The following PDE1C variants were observed in gnomAD, a reference collection of about 807,000 sequenced individuals.
PDE1C encodes phosphodiesterase 1C.
PDE1C carries 62 observed loss-of-function variants against 93.1 expected under a neutral mutation model. The ratio of observed to expected loss-of-function variants is 0.67; its 90% CI spans 0.54 to 0.82. PDE1C has a LOEUF of 0.82. PDE1C is among the 40% of genes least tolerant of loss of function. The pLI is 0.00. For synonymous variants in PDE1C, 325 were observed against 310.1 expected (o/e 1.05, Z -0.50); for missense variants, 742 against 884.6 (o/e 0.84, Z 2.04).
At chr7:32,365,328 C>T (rs934409216) in intron 1 of PDE1C, among the ~76,000 whole-genome samples, 8 of 152,184 alleles carry the variant, frequency 5.3e-5, no homozygotes, top group African/African-American at 1.9e-4. Context: ...AGGCCACCTC[C>T]AGCAGACATG....
At chr7:31,673,038 T>A in the PDE1C span, among the ~76,000 whole-genome samples, 1 of 152,194 alleles carries the variant, frequency 6.6e-6, no homozygotes, top group Non-Finnish European at 1.5e-5. Context: ...GAATGTAAGT[T>A]TCCTGAGGCC....
intron 2 of PDE1C, among the ~76,000 whole-genome samples, chr7:31,972,313 G>A (rs1811072776): frequency 1.3e-5 from 2 of 152,202 alleles, no homozygotes; most frequent in African/African-American, 2.4e-5. Context: ...TCCAAAGGCC[G>A]CACCCCAATT....
intron 3 of PDE1C, among the ~76,000 whole-genome samples, chr7:32,156,720 TCCA>T (rs1801597700): frequency 6.6e-6 from 1 of 152,132 alleles, no homozygotes; most frequent in African/African-American, 2.4e-5. Flanking sequence ...TCAAATATCA[TCCA>T]ATACATAGAA....
rs189508955 is a variant in PDE1C at position 32,210,204 on chromosome 7, C to T, written c.86-665G>A. ...TTTAATGTCCCTTATAACTTATGAA[C>T]CCATTGTATTGGGTAAAAGAGATTG... On this transcript the variant is annotated intron_variant, in intron 1 of 18. Transcript: ENST00000396193. 4.6e-5 allele frequency among the ~76,000 whole-genome samples: 7 copies of T among 152,234 alleles called. No homozygotes were observed. The East Asian group carries it at 1.4e-3, about 29-fold the overall frequency.
chr7:31,887,667 A>G (rs1316463307), intron 2 of PDE1C, among the ~76,000 whole-genome samples: 1 of 152,218 alleles, frequency 6.6e-6, no homozygotes, highest in Non-Finnish European at 1.5e-5. Context: ...TCAAGTGTAC[A>G]TGTAATAGTA....
At chr7:31,881,152 C>G (rs1278413387) in intron 2 of PDE1C, among the ~76,000 whole-genome samples, 1 of 152,104 alleles carries the variant, frequency 6.6e-6, no homozygotes, top group Non-Finnish European at 1.5e-5. Flanking sequence ...CTCAAATTTT[C>G]ATCTTTTTTG....
chr7:32,297,135 CA>C (rs1418545803), intron 1 of PDE1C, among the ~76,000 whole-genome samples: 1 of 152,064 alleles, frequency 6.6e-6, no homozygotes, highest in Non-Finnish European at 1.5e-5. Flanking sequence ...ACAGCCTAGG[CA>C]AAGGCTCAGA....
At chr7:31,891,923 T>C (rs1212877060) in intron 2 of PDE1C, among the ~76,000 whole-genome samples, 2 of 152,176 alleles carry the variant, frequency 1.3e-5, no homozygotes, top group South Asian at 2.1e-4. Context: ...AATTGTCCTG[T>C]AGTTTTTCAA....
the PDE1C span, among the ~76,000 whole-genome samples, chr7:31,659,670 A>C: frequency 6.6e-6 from 1 of 152,202 alleles, no homozygotes; most frequent in South Asian, 2.1e-4. Context: ...TTATTAAAAT[A>C]GGGGTGCTCC....
chr7:32,330,380 G>T (rs1783490537), intron 1 of PDE1C, among the ~76,000 whole-genome samples: 2 of 152,214 alleles, frequency 1.3e-5, no homozygotes, highest in Non-Finnish European at 2.9e-5. Context: ...AACAGAGGAG[G>T]ACCTTTCCTG....
chr7:31,770,577 T>C (rs1379408291), intron 17 of PDE1C, among the ~76,000 whole-genome samples: 1 of 152,206 alleles, frequency 6.6e-6, no homozygotes, highest in Non-Finnish European at 1.5e-5. Flanking sequence ...AGTGACATGA[T>C]CTTGGCTCAC....
chr7:31,711,868 G>T, the PDE1C span, among the ~76,000 whole-genome samples: 1 of 152,202 alleles, frequency 6.6e-6, no homozygotes, highest in African/African-American at 2.4e-5. Flanking sequence ...TCAAGCCTGG[G>T]CCCTGCTTCC....
the PDE1C span, among the ~76,000 whole-genome samples, chr7:31,638,569 TA>T: frequency 6.6e-6 from 1 of 152,188 alleles, no homozygotes; most frequent in Non-Finnish European, 1.5e-5. Context: ...AATAAATAAA[TA>T]AAATATTCAG....
chr7:32,394,831 A>C (rs903948935), intron 1 of PDE1C, among the ~76,000 whole-genome samples: 3 of 152,036 alleles, frequency 2.0e-5, no homozygotes, highest in African/African-American at 7.2e-5. Flanking sequence ...TATCTAAATA[A>C]ATAAAAGAGT....
the PDE1C span, among the ~76,000 whole-genome samples, chr7:31,667,161 G>A: frequency 1.3e-5 from 2 of 152,162 alleles, no homozygotes; most frequent in Non-Finnish European, 2.9e-5. Context: ...ACTAGAAGCA[G>A]ATGGTGACTG....
At chr7:31,893,367 T>G in intron 2 of PDE1C, 2 of 393,056 alleles carry the variant, frequency 5.1e-6, no homozygotes, top group Non-Finnish European at 6.9e-6. Context: ...TCATTGTCGT[T>G]TGTGGTCAGC....
Position 31,939,289 on chromosome 7 carries a change from T to C in PDE1C, c.129-58429A>G, listed in dbSNP as rs137957875. Reference sequence around the variant, plus strand: ...AGGAGCAGCAAAATCATTTACATGGTTATTCAGTTCAGTGTAACTGACTTG... The same window carrying C: ...AGGAGCAGCAAAATCATTTACATGGCTATTCAGTTCAGTGTAACTGACTTG... On this transcript the variant is annotated intron_variant, in intron 2 of 17. Transcript: ENST00000396191. 1.9e-3 allele frequency among the ~76,000 whole-genome samples: 294 copies of C among 152,250 alleles called. 1 individual carries two copies. The highest frequency in any genetic ancestry group is 6.5e-3 in the African/African-American group (271 of 41,560).
Position 31,823,166 on chromosome 7 carries a change from A to G in PDE1C, c.1489T>C (p.Ser497Pro). 6.2e-7 allele frequency: 1 copy of G among 1,613,456 alleles called. No individual in the cohort carries two copies. Among genetic ancestry groups the G allele is most frequent in the Non-Finnish European group, 8.5e-7 (1 of 1,179,562 alleles). ...CTCTTATAGTCAACGGAGATGACAG[A>G]ATTGTTGATCGGGGCACTTCCCTCT... ...GSEGSAPINN[S>P]VISVDYKSFK... Residue 497 changes from serine to proline, a missense_variant, in exon 14 of 18, where the codon TCT becomes CCT. Physicochemically the swap from Ser to Pro is moderately conservative, Grantham distance 74. Coordinates refer to ENST00000396191, the MANE Select transcript of PDE1C (RefSeq NM_001191057.4).
At chr7:31,653,072 C>A in the PDE1C span, 1 of 956,612 alleles carries the variant, frequency 1.0e-6, no homozygotes, top group Non-Finnish European at 1.4e-6. Context: ...AAATAGTATA[C>A]GGTCTCTGCC....
Sources: allele counts gnomAD v4.1 joint callset (sites outside exome capture counted in the v4.1 genomes callset), GRCh38; gene constraint gnomAD v4.1.1; transcripts MANE v1.5; gene names NCBI Gene and HGNC (gene_info 2026-07-23, HGNC 2026-07-21).